Variants in PRP4K observed in about 807,000 individuals in gnomAD.
PRP4K encodes pre-mRNA processing factor kinase PRP4K.
chr6:4,059,533 T>C, the PRP4K span, among the ~76,000 whole-genome samples: 2 of 152,280 alleles, frequency 1.3e-5, 1 homozygote, highest in South Asian at 4.1e-4. Context: ...CTTCAGGGTA[T>C]TAACTTATTC....
At chr6:4,023,435 A>G in the PRP4K span, among the ~76,000 whole-genome samples, 1 of 152,224 alleles carries the variant, frequency 6.6e-6, no homozygotes, top group Non-Finnish European at 1.5e-5. Context: ...ACACCCATTT[A>G]AACTCAGGCA....
the PRP4K span, chr6:4,037,340 A>G: frequency 7.0e-7 from 1 of 1,438,832 alleles, no homozygotes. Flanking sequence ...TTGCATATAG[A>G]AAAAAATCAT....
At chr6:4,064,469 G>A in the PRP4K span, 46 of 152,682 alleles carry the variant, frequency 3.0e-4, 4 homozygotes, top group East Asian at 8.9e-3. Flanking sequence ...TTTAGGCGAA[G>A]TAGTTAAGAA....
the PRP4K span, chr6:4,058,826 A>C: frequency 6.4e-7 from 1 of 1,571,000 alleles, no homozygotes. Flanking sequence ...TAAGTGTTTT[A>C]AATGCAGCAT....
At chr6:4,043,716 G>C in the PRP4K span, 3 of 1,115,568 alleles carry the variant, frequency 2.7e-6, no homozygotes, top group Admixed American at 6.4e-5. Context: ...TATTTGATAC[G>C]TTCTCTTAAC....
chr6:4,037,776 G>A, the PRP4K span, among the ~76,000 whole-genome samples: 1 of 151,278 alleles, frequency 6.6e-6, no homozygotes, highest in South Asian at 2.1e-4. Flanking sequence ...TGCTCATTTA[G>A]GATGCAATAA....
At chr6:4,063,547 A>G in the PRP4K span, 1 of 152,204 alleles carries the variant, frequency 6.6e-6, no homozygotes, top group Admixed American at 6.5e-5. Flanking sequence ...CTTACCCTGT[A>G]GAAACCTCGT....
the PRP4K span, among the ~76,000 whole-genome samples, chr6:4,054,671 TA>T: frequency 1.3e-5 from 2 of 152,288 alleles, no homozygotes; most frequent in South Asian, 2.1e-4. Flanking sequence ...CACGCCCAGC[TA>T]ATTTTTGTAT....
At chr6:4,029,012 CTT>C in the PRP4K span, among the ~76,000 whole-genome samples, 11 of 132,572 alleles carry the variant, frequency 8.3e-5, 1 homozygote, top group Non-Finnish European at 1.2e-4. Context: ...TACTTGGAAT[CTT>C]TTTTTTTTTT....
the PRP4K span, among the ~76,000 whole-genome samples, chr6:4,042,246 ATTTC>A: frequency 6.6e-6 from 1 of 152,182 alleles, no homozygotes; most frequent in African/African-American, 2.4e-5. Context: ...ACCTGGAGTT[ATTTC>A]TTTTATTCCC....
the PRP4K span, among the ~76,000 whole-genome samples, chr6:4,035,208 C>T: frequency 6.7e-6 from 1 of 149,652 alleles, no homozygotes; most frequent in Non-Finnish European, 1.5e-5. Context: ...CCTCTGCCTC[C>T]TGGGTTCAAG....
chr6:4,024,310 C>A, the PRP4K span, among the ~76,000 whole-genome samples: 1 of 152,038 alleles, frequency 6.6e-6, no homozygotes, highest in Non-Finnish European at 1.5e-5. Flanking sequence ...TTGAATCTAG[C>A]CCAGGCAACA....
chr6:4,058,793 A>G, the PRP4K span: 1 of 1,611,424 alleles, frequency 6.2e-7, no homozygotes, highest in African/African-American at 1.3e-5. Context: ...TGTACATAGA[A>G]GTTGATAAAG....
chr6:4,061,414 G>A, the PRP4K span: 2 of 152,548 alleles, frequency 1.3e-5, no homozygotes, highest in African/African-American at 4.8e-5. Context: ...ACTTGCTATA[G>A]ACTTTATATA....
At chr6:4,021,573 TG>T in the PRP4K span, 11 of 1,481,046 alleles carry the variant, frequency 7.4e-6, no homozygotes, top group African/African-American at 1.5e-4. Context: ...AGTCAAACTT[TG>T]CTTTTTCCGG....
chr6:4,052,563 C>G, the PRP4K span, among the ~76,000 whole-genome samples: 1 of 152,178 alleles, frequency 6.6e-6, no homozygotes, highest in African/African-American at 2.4e-5. Context: ...GCTCTCCTTT[C>G]AATATAAAAT....
chr6:4,043,777 T>A, the PRP4K span: 6 of 1,591,288 alleles, frequency 3.8e-6, no homozygotes, highest in Admixed American at 8.4e-5. Flanking sequence ...AGCATCCAAT[T>A]TTATGAAAGT....
At chr6:4,022,154 A>ATTTTTTTTTTTT in the PRP4K span, among the ~76,000 whole-genome samples, 1 of 92,052 alleles carries the variant, frequency 1.1e-5, no homozygotes, top group Non-Finnish European at 2.0e-5. Context: ...GAGGCCTGGC[A>ATTTTTTTTTTTT]TTTTTTTTTT....
chr6:4,029,937 T>TC, the PRP4K span, among the ~76,000 whole-genome samples: 495 of 150,198 alleles, frequency 3.3e-3, 2 homozygotes, highest in African/African-American at 0.011. Context: ...CTGTTTTCTT[T>TC]CTTTTTTTTT....
Sources: allele counts gnomAD v4.1 joint callset (sites outside exome capture counted in the v4.1 genomes callset), GRCh38; gene constraint gnomAD v4.1.1; transcripts MANE v1.5; gene names NCBI Gene and HGNC (gene_info 2026-07-23, HGNC 2026-07-21).